PTPRN2: variants seen among roughly 807,000 people sequenced by gnomAD.
The protein encoded by PTPRN2 is protein tyrosine phosphatase receptor type N2.
In PTPRN2, 74 loss-of-function variants were observed where a neutral mutation model predicts 118.8. The observed-to-expected ratio is 0.62, with a 90% CI of 0.52 to 0.76. The LOEUF (loss-of-function observed/expected upper bound fraction) is 0.76, where lower values mean the gene tolerates loss of function less well. Ranked by LOEUF, PTPRN2 falls within the 30% of genes least tolerant of loss-of-function variation. The pLI is 0.00. For missense variants in PTPRN2, 1,481 were observed against 1,394.4 expected, an observed-to-expected ratio of 1.06 and a Z score of -0.99; for synonymous variants, 641 against 608.0, an observed-to-expected ratio of 1.05 and a Z score of -0.80.
intron 12 of PTPRN2, among the ~76,000 whole-genome samples, chr7:157,872,033 C>T (rs1347534933): frequency 5.6e-5 from 8 of 143,330 alleles, no homozygotes; most frequent in Admixed American, 2.1e-4. Context: ...CACACACATA[C>T]CCAGCGCCTC....
rs572423501 is a variant in PTPRN2, at chr7:158,239,030, G to A, written c.278-33757C>T. ...TCTCGTGAGGGCCGTGGAGGGGAGC[G>A]GAAAGCCAGGCAGGCAGCTGCCACC... is the stretch of plus-strand genomic sequence containing the variant. On this transcript the variant is annotated intron_variant, in intron 3 of 22. Coordinates refer to ENST00000389418, the MANE Select transcript of PTPRN2 (RefSeq NM_002847.5). Among the ~76,000 whole-genome samples the A allele has an allele frequency of 1.4e-4, 22 of 152,266 alleles. No homozygotes were observed. The East Asian group carries it at 1.5e-3, about 11-fold the overall frequency.
intron 12 of PTPRN2, among the ~76,000 whole-genome samples, chr7:157,833,725 A>T (rs1000173363): frequency 6.6e-6 from 1 of 152,228 alleles, no homozygotes; most frequent in Non-Finnish European, 1.5e-5. Flanking sequence ...AGCCGTTAGT[A>T]TGATGATCTT....
intron 21 of PTPRN2, 105 bp downstream of exon 21, chr7:157,568,797 C>T (rs1437954474): frequency 5.9e-6 from 7 of 1,184,310 alleles, no homozygotes; most frequent in South Asian, 1.3e-5. Context: ...GCACAACAAG[C>T]AGCGAATTTT....
chr7:158,117,548 G>A (rs1816826215), intron 9 of PTPRN2, among the ~76,000 whole-genome samples: 1 of 152,160 alleles, frequency 6.6e-6, no homozygotes, highest in Admixed American at 6.5e-5. Context: ...TTTGATGAAA[G>A]ACATGGATAT....
At chr7:158,317,087 C>G (rs1334427508) in intron 2 of PTPRN2, among the ~76,000 whole-genome samples, 155 bp from the exon 3 acceptor site, 3 of 152,194 alleles carry the variant, frequency 2.0e-5, no homozygotes, top group African/African-American at 7.2e-5. Flanking sequence ...CCGGGAGCAC[C>G]CGGAGGATGC....
At chr7:157,759,400 C>G (rs544036471) in intron 12 of PTPRN2, among the ~76,000 whole-genome samples, 1 of 152,178 alleles carries the variant, frequency 6.6e-6, no homozygotes, top group African/African-American at 2.4e-5. Context: ...GCGGGAACTC[C>G]GGCAGGTGGG....
Position 158,297,431 on chromosome 7 carries a change from G to A in PTPRN2, c.277+19388C>T, listed in dbSNP as rs1331889144. Among the ~76,000 whole-genome samples, 19 of 152,158 alleles carry A rather than the reference G, an allele frequency of 1.2e-4. 1 individual carries two copies. Among genetic ancestry groups the A allele is most frequent in the Admixed American group, 1.2e-3 (18 of 15,276 alleles). On this transcript the variant is annotated intron_variant, in intron 3 of 22. Coordinates refer to ENST00000389418, the MANE Select transcript of PTPRN2 (RefSeq NM_002847.5). ...TGCAAAGTCCGTTCATTTGTGATAC[G>A]GTATCTCCTTGTGGTTCAGCAACCC...
At chr7:157,922,653 A>C (rs1798750643) in intron 11 of PTPRN2, among the ~76,000 whole-genome samples, 2 of 152,196 alleles carry the variant, frequency 1.3e-5, no homozygotes, top group African/African-American at 2.4e-5. Context: ...GCTGGGAAGG[A>C]AAAAGGGCAT....
intron 2 of PTPRN2, among the ~76,000 whole-genome samples, chr7:158,400,269 G>A (rs999742615): frequency 6.6e-6 from 1 of 152,114 alleles, no homozygotes; most frequent in Non-Finnish European, 1.5e-5. Flanking sequence ...GAACCAAGCA[G>A]ATGCGCTACC....
At chr7:157,888,655 G>A (rs1485723384) in intron 12 of PTPRN2, among the ~76,000 whole-genome samples, 8 of 150,954 alleles carry the variant, frequency 5.3e-5, no homozygotes, top group African/African-American at 9.8e-5. Context: ...TGGCCTACGC[G>A]CAGCACCATG....
chr7:157,978,608 T>G (rs1802917413), intron 11 of PTPRN2, among the ~76,000 whole-genome samples: 1 of 151,926 alleles, frequency 6.6e-6, no homozygotes, highest in South Asian at 2.1e-4. Flanking sequence ...CAAACACTCA[T>G]GAAAGCAGAA....
Position 158,551,604 on chromosome 7 carries a change from TG to T in PTPRN2, c.112+35953del, listed in dbSNP as rs1246520033. ...GGGGTGGGGTTCTAATGCATGCATT[TG>T]GGGGGCCCTGCCTCCTAATCCATTA... On this transcript the variant is annotated intron_variant, in intron 1 of 22. Coordinates refer to ENST00000389418, the MANE Select transcript of PTPRN2 (RefSeq NM_002847.5). Among the ~76,000 whole-genome samples the T allele has an allele frequency of 1.6e-4, 19 of 118,678 alleles. 1 individual carries two copies. The highest frequency in any genetic ancestry group is 3.2e-4 in the Non-Finnish European group (18 of 56,496). 77.9% of individuals were successfully genotyped at this position (118,678 alleles called of 152,430 possible).
chr7:158,161,675 T>A (rs1207331199), intron 6 of PTPRN2, among the ~76,000 whole-genome samples: 1 of 152,214 alleles, frequency 6.6e-6, no homozygotes, highest in Admixed American at 6.5e-5. Context: ...GGTTTGGTGA[T>A]GACTTTTTAA....
At chr7:157,913,008 T>C (rs914726825) in intron 11 of PTPRN2, among the ~76,000 whole-genome samples, 4 of 152,242 alleles carry the variant, frequency 2.6e-5, no homozygotes, top group Non-Finnish European at 5.9e-5. Flanking sequence ...TAAAATTTTA[T>C]TGAATCTAGA....
At chr7:157,604,259 C>A (rs1248396625) in intron 15 of PTPRN2, among the ~76,000 whole-genome samples, 184 bp from the exon 16 acceptor site, 1 of 152,210 alleles carries the variant, frequency 6.6e-6, no homozygotes. Context: ...AGTGTGGGAC[C>A]CCTGCCCGGG....
intron 4 of PTPRN2, among the ~76,000 whole-genome samples, chr7:158,203,118 G>T (rs1225584822): frequency 6.7e-6 from 1 of 149,942 alleles, no homozygotes; most frequent in Non-Finnish European, 1.5e-5. Flanking sequence ...TGTAGTCCCA[G>T]CTACTCAGGA....
intron 12 of PTPRN2, among the ~76,000 whole-genome samples, chr7:157,761,437 A>G (rs1240609993): frequency 6.6e-6 from 1 of 151,532 alleles, no homozygotes; most frequent in South Asian, 2.1e-4. Flanking sequence ...GCCCTCAGAA[A>G]TAATGCCTCA....
At position 157,545,569 on chromosome 7, in the gene PTPRN2, C is replaced by T. The variant is rs542302108; in HGVS notation, c.2976+3377G>A. Among the ~76,000 whole-genome samples, 199 of 152,140 alleles carry T rather than the reference C, an allele frequency of 1.3e-3. 1 individual carries two copies. The highest frequency in any genetic ancestry group is 8.9e-3 in the South Asian group (43 of 4,828). On this transcript the variant is annotated intron_variant, in intron 22 of 22. Coordinates refer to ENST00000389418, the MANE Select transcript of PTPRN2 (RefSeq NM_002847.5). ...TGGCGGCTCGTGTGGTGTCAAAGCC[C>T]GCACTGCCGTTCAGCCCCTGGGTGC...
chr7:158,312,734 CA>C (rs1431340362), intron 3 of PTPRN2, among the ~76,000 whole-genome samples: 1 of 150,366 alleles, frequency 6.7e-6, no homozygotes, highest in Non-Finnish European at 1.5e-5. Context: ...CCCACACACA[CA>C]CACCTGCACA....
Sources: allele counts gnomAD v4.1 joint callset (sites outside exome capture counted in the v4.1 genomes callset), GRCh38; gene constraint gnomAD v4.1.1; transcripts MANE v1.5; gene names NCBI Gene and HGNC (gene_info 2026-07-23, HGNC 2026-07-21).